Variants in ATF1 observed in about 807,000 individuals in gnomAD.
The protein encoded by ATF1 is cyclic AMP-dependent transcription factor ATF-1.
In ATF1, 16 loss-of-function variants were observed where a neutral mutation model predicts 34.7. The ratio of observed to expected loss-of-function variants is 0.46; its 90% CI spans 0.31 to 0.70. ATF1 has a LOEUF of 0.70. ATF1 is among the 30% of genes least tolerant of loss of function. The probability of loss-of-function intolerance (pLI) is 0.05; values close to 1 mark genes in which losing one functional copy is unlikely to be tolerated. For synonymous variants in ATF1, 105 were observed against 113.1 expected (o/e 0.93, Z 0.46); for missense variants, 255 against 321.6 (o/e 0.79, Z 1.58).
intron 1 of ATF1, among the ~76,000 whole-genome samples, chr12:50,767,794 A>G (rs1053794201): frequency 6.6e-6 from 1 of 152,162 alleles, no homozygotes; most frequent in Non-Finnish European, 1.5e-5. Context: ...TAAGCTCAAA[A>G]TTAACTACTC....
Position 50,809,460 on chromosome 12 carries a change from A to T in ATF1, c.199A>T (p.Ile67Phe), listed in dbSNP as rs1207702276. The T allele has an allele frequency of 6.2e-7, 1 of 1,608,050 alleles. No individual in the cohort carries two copies. The highest frequency in any genetic ancestry group is 1.1e-5 in the South Asian group (1 of 90,868). Residue 67 changes from isoleucine (I) to phenylalanine (F), a missense_variant, in exon 4 of 7, where the codon ATT becomes TTT. Around this residue, in one of 2 missense-constraint regions of ATF1, gnomAD observed 221 missense variants for 250.7 expected, o/e 0.88. Coordinates refer to ENST00000262053, the MANE Select transcript of ATF1 (RefSeq NM_005171.5). ...ILARRPSYRKILKDLSSEDTR... is the reference protein window; with the variant it reads ...ILARRPSYRKFLKDLSSEDTR... ...GAGTTCTGGTTTTTTTTACAGAAAAATTTTGAAAGACTTATCTTCTGAAGA... is the reference window on the plus strand; with the variant it reads ...GAGTTCTGGTTTTTTTTACAGAAAATTTTTGAAAGACTTATCTTCTGAAGA...
intron 1 of ATF1, chr12:50,775,758 T>A (rs1940903997): frequency 6.6e-6 from 1 of 152,224 alleles, no homozygotes; most frequent in Admixed American, 6.5e-5. Flanking sequence ...TTTTTTCTTC[T>A]TTGCTCTGTA....
chr12:50,819,828 A>T lies in ATF1; in HGVS notation c.*49A>T. ...GTGGACATGCATAAAAATTAAATGG[A>T]TTTCCTAGTGGAGTTTTATAAATTA... On this transcript the variant is annotated 3_prime_UTR_variant, in exon 7 of 7. Transcript: ENST00000262053. 2 of 1,407,600 alleles carry T rather than the reference A, an allele frequency of 1.4e-6. No individual in the cohort carries two copies. The highest frequency in any genetic ancestry group is 1.9e-6 in the Non-Finnish European group (2 of 1,028,260). The allele number at this position is 1,407,600 out of a possible 1,614,324, so 87.2% of individuals were successfully genotyped here. A position where few individuals can be genotyped will look rare whatever the true frequency, so the allele number is the denominator to read the frequency against.
At chr12:50,766,828 TA>T (rs1207523636) in intron 1 of ATF1, among the ~76,000 whole-genome samples, 7 of 152,136 alleles carry the variant, frequency 4.6e-5, no homozygotes, top group Non-Finnish European at 8.8e-5. Flanking sequence ...ATACTTTTCT[TA>T]TCTACTTTGC....
chr12:50,779,228 G>T (rs1941000850), intron 1 of ATF1, among the ~76,000 whole-genome samples: 1 of 152,136 alleles, frequency 6.6e-6, no homozygotes, highest in Non-Finnish European at 1.5e-5. Context: ...ATGAACATAG[G>T]TGTACAAATA....
Position 50,820,874 on chromosome 12 carries a change from A to ATAGTT in ATF1, c.*1100_*1104dup, listed in dbSNP as rs1941936413. 5.6e-6 allele frequency: 1 copy of ATAGTT among 178,972 alleles called. No individual in the cohort carries two copies. The highest frequency in any genetic ancestry group is 9.4e-5 in the East Asian group (1 of 10,682). 11.1% of individuals were successfully genotyped at this position (178,972 alleles called of 1,614,324 possible). On this transcript the variant is annotated 3_prime_UTR_variant, in exon 7 of 7. Coordinates refer to ENST00000262053, the MANE Select transcript of ATF1 (RefSeq NM_005171.5). ...TTTAATGATTATTTTAAATGTTTAT[A>ATAGTT]TAGTTTAGTAAAATTTGCATCTCAA...
chr12:50,789,533 G>A (rs1042216148), intron 2 of ATF1, among the ~76,000 whole-genome samples: 2 of 152,052 alleles, frequency 1.3e-5, no homozygotes, highest in Admixed American at 6.6e-5. Context: ...GGAGGCGGGC[G>A]GATCACATGA....
rs373849403 is a variant in ATF1 at position 50,813,411 on chromosome 12, A to G, written c.329-599A>G. Among the ~76,000 whole-genome samples the G allele has an allele frequency of 1.7e-3, 253 of 152,344 alleles. 2 individuals carry two copies. The highest frequency in any genetic ancestry group is 5.8e-3 in the African/African-American group (242 of 41,582). ...CCTTTTATTCTATTGAATTTTTTCC[A>G]TAAGCATGTTATCTATTCAGAAATA... On this transcript the variant is annotated intron_variant, in intron 4 of 6. Transcript: ENST00000262053.
intron 3 of ATF1, among the ~76,000 whole-genome samples, chr12:50,808,579 C>T (rs1215243058): frequency 6.6e-6 from 1 of 152,080 alleles, no homozygotes; most frequent in Non-Finnish European, 1.5e-5. Flanking sequence ...ATTCGCCCAC[C>T]TCAGCCTCCC....
chr12:50,816,566 C>T (rs1941846839), intron 6 of ATF1, among the ~76,000 whole-genome samples: 1 of 152,056 alleles, frequency 6.6e-6, no homozygotes, highest in African/African-American at 2.4e-5. Context: ...TTCTCATGTG[C>T]TCCATAAATA....
chr12:50,807,484 T>C (rs547278043), intron 3 of ATF1, among the ~76,000 whole-genome samples: 8 of 152,316 alleles, frequency 5.3e-5, no homozygotes, highest in Non-Finnish European at 8.8e-5. Flanking sequence ...AAGGAAAGGC[T>C]CTAACTATTC....
chr12:50,767,418 G>A (rs1940663948), intron 1 of ATF1, among the ~76,000 whole-genome samples: 1 of 152,196 alleles, frequency 6.6e-6, no homozygotes. Flanking sequence ...TACTTGGGAG[G>A]CTGAGGCAGG....
In ATF1 at chr12:50,820,246, C is replaced by T. The variant is rs1039909045; in HGVS notation, c.*467C>T. The T allele has an allele frequency of 2.5e-5, 5 of 197,006 alleles. No homozygotes were observed. The highest frequency in any genetic ancestry group is 5.2e-5 in the Non-Finnish European group (5 of 95,298). The allele number at this position is 197,006 out of a possible 1,614,324, so 12.2% of individuals were successfully genotyped here. ...AGGTAAGAGAAAACCTAGTACATTA[C>T]TAAATATATAAAGTATATGTTCTGA... On this transcript the variant is annotated 3_prime_UTR_variant, in exon 7 of 7. Coordinates refer to ENST00000262053, the MANE Select transcript of ATF1 (RefSeq NM_005171.5).
chr12:50,793,348 A>G (rs1941342882), intron 2 of ATF1, among the ~76,000 whole-genome samples: 1 of 152,168 alleles, frequency 6.6e-6, no homozygotes, highest in Non-Finnish European at 1.5e-5. Flanking sequence ...TTTTATGGCC[A>G]GGTGCGGTGG....
chr12:50,786,301 T>C (rs1169674646), intron 2 of ATF1, among the ~76,000 whole-genome samples: 1 of 152,144 alleles, frequency 6.6e-6, no homozygotes, highest in Non-Finnish European at 1.5e-5. Flanking sequence ...AATAAACTCA[T>C]AGAGGTGGGG....
chr12:50,803,689 C>T (rs909991822), intron 3 of ATF1, among the ~76,000 whole-genome samples: 1 of 152,114 alleles, frequency 6.6e-6, no homozygotes. Context: ...AACATGGAAA[C>T]AACCCAAATG....
intron 3 of ATF1, among the ~76,000 whole-genome samples, chr12:50,807,263 G>A (rs1464572021): frequency 6.6e-6 from 1 of 151,830 alleles, no homozygotes; most frequent in East Asian, 1.9e-4. Flanking sequence ...AAATTAGCCA[G>A]GTATGATGGC....
At chr12:50,782,968 G>T (rs1592176304) in intron 2 of ATF1, among the ~76,000 whole-genome samples, 2 of 152,126 alleles carry the variant, frequency 1.3e-5, no homozygotes, top group Non-Finnish European at 1.5e-5. Context: ...GGGATTACAG[G>T]CATGAGCCAC....
At chr12:50,771,664 T>C (rs2139637277) in intron 1 of ATF1, among the ~76,000 whole-genome samples, 1 of 152,240 alleles carries the variant, frequency 6.6e-6, no homozygotes, top group East Asian at 1.9e-4. Context: ...AAAATGAGGC[T>C]AAAACCTACT....
Sources: gnomAD v4.1 joint callset for allele counts (sites outside exome capture counted in the v4.1 genomes callset) on GRCh38, gnomAD v4.1.1 for gene constraint, gnomAD v4.1.1 regional missense constraint, MANE v1.5 for transcripts, NCBI Gene and HGNC (gene_info 2026-07-23, HGNC 2026-07-21) for gene names.